Variants in STK25 observed in about 807,000 individuals in gnomAD.
STK25 encodes serine/threonine kinase 25, also known as serine/threonine-protein kinase 25.
In STK25, 29 loss-of-function variants were observed where a neutral mutation model predicts 53.8. The observed-to-expected ratio is 0.54, with a 90% confidence interval of 0.40 to 0.74. STK25 has a LOEUF of 0.74. Ranked by LOEUF, STK25 falls within the 30% of genes least tolerant of loss-of-function variation. The pLI is 0.00. For missense variants in STK25, 420 were observed against 568.0 expected (o/e 0.74, Z 2.65); for synonymous variants, 247 against 238.3 (o/e 1.04, Z -0.33).
Position 241,493,718 on chromosome 2 carries a change from C to T in STK25, c.*1944G>A, listed in dbSNP as rs1041702819. The T allele has an allele frequency of 1.9e-6, 1 of 519,590 alleles. No individual in the cohort carries two copies. The highest frequency in any genetic ancestry group is 3.4e-6 in the Non-Finnish European group (1 of 291,600). 32.2% of individuals were successfully genotyped at this position (519,590 alleles called of 1,614,324 possible). ...CAAGCGATTCTTCTGCCTCAGCCTC[C>T]TGAGTAACTGAGATTACAGGCATGC... On this transcript the variant is annotated 3_prime_UTR_variant, in exon 12 of 12. Transcript: ENST00000316586.
intron 3 of STK25, 26 bp from the exon 4 acceptor site, chr2:241,500,822 C>T (rs1341445149): frequency 3.7e-6 from 6 of 1,611,984 alleles, no homozygotes; most frequent in South Asian, 3.3e-5. Flanking sequence ...AACCCATCAG[C>T]ATTTGGCAGC....
In STK25 at chr2:241,493,658, A is replaced by AATCT; in HGVS notation, c.*2000_*2003dup. ...CACTCAGGCTGGAGTGCAGTGATAC[A>AATCT]ATCTTGGCTCACTATAACCTGCACC... On this transcript the variant is annotated 3_prime_UTR_variant, in exon 12 of 12. Transcript: ENST00000316586. 3.5e-6 allele frequency: 2 copies of AATCT among 579,050 alleles called. No individual in the cohort carries two copies. Among genetic ancestry groups the AATCT allele is most frequent in the Non-Finnish European group, 6.1e-6 (2 of 326,010 alleles). The allele number at this position is 579,050 out of a possible 1,614,324, so 35.9% of individuals were successfully genotyped here.
intron 2 of STK25, among the ~76,000 whole-genome samples, chr2:241,502,194 A>AC (rs1354886423): frequency 6.6e-6 from 1 of 151,922 alleles, no homozygotes; most frequent in Non-Finnish European, 1.5e-5. Flanking sequence ...AATAACAACA[A>AC]CAAAAAAACC....
chr2:241,492,825 CAGCTGGAGAA>C lies in STK25; in HGVS notation c.*2827_*2836del. 1.4e-6 allele frequency: 1 copy of C among 692,364 alleles called. No individual in the cohort carries two copies. Among genetic ancestry groups the C allele is most frequent in the Non-Finnish European group, 2.6e-6 (1 of 383,942 alleles). The allele number at this position is 692,364 out of a possible 1,614,324, so 42.9% of individuals were successfully genotyped here. On this transcript the variant is annotated 3_prime_UTR_variant, in exon 12 of 12. Coordinates refer to ENST00000316586, the MANE Select transcript of STK25 (RefSeq NM_001271977.2). ...CAGTCCAGAGGTAAAACCAAGGCCT[CAGCTGGAGAA>C]AGCATGCAGAGGCTTAGTCTTGGGG...
chr2:241,503,438 C>T (rs2065625624), intron 2 of STK25, among the ~76,000 whole-genome samples: 1 of 149,510 alleles, frequency 6.7e-6, no homozygotes, highest in African/African-American at 2.4e-5. Context: ...ACAGCCTGGG[C>T]GCGGTGGTTC....
intron 10 of STK25, 80 bp downstream of exon 10, chr2:241,497,536 T>G: frequency 7.0e-7 from 1 of 1,428,570 alleles, no homozygotes; most frequent in South Asian, 1.2e-5. Context: ...CACAGTGCTG[T>G]GAGGGAGACA....
intron 1 of STK25, 138 bp downstream of exon 1, chr2:241,508,305 T>C (rs1228666040): frequency 2.6e-5 from 32 of 1,239,110 alleles, no homozygotes; most frequent in South Asian, 5.3e-5. Flanking sequence ...GCCCCTCCCG[T>C]CGCCGCCCCC....
At chr2:241,507,545 A>G (rs1395689532) in intron 2 of STK25, among the ~76,000 whole-genome samples, 3 of 152,124 alleles carry the variant, frequency 2.0e-5, no homozygotes, top group Non-Finnish European at 4.4e-5. Context: ...GCTTCTCCAC[A>G]ATCTCAGCCC....
At chr2:241,509,117 C>G (rs532951275), upstream of STK25, 1 of 152,500 alleles carries the variant, frequency 6.6e-6, no homozygotes, top group African/African-American at 2.4e-5. Flanking sequence ...GAGACCCCGC[C>G]CGGGATCACG....
intron 2 of STK25, among the ~76,000 whole-genome samples, chr2:241,504,835 T>C (rs2065726329): frequency 1.3e-5 from 2 of 152,026 alleles, no homozygotes; most frequent in Non-Finnish European, 2.9e-5. Flanking sequence ...CCCTGTTTGC[T>C]CCATTTCTGG....
rs199688267 is a variant in STK25, at chr2:241,498,777, G to A, written c.779C>T (p.Thr260Met). The change falls in exon 8 of 12, where the codon ACG becomes ATG. Residue 260 changes from threonine to methionine, a missense_variant. Physicochemically the swap from Thr to Met is moderately conservative, Grantham distance 81. Transcript: ENST00000316586. The part of the protein sequence containing the change: ...CLNKDPRFRP[T>M]AKELLKHKFI... ...CTTGTGCTTCAGGAGCTCCTTGGCC[G>A]TGGGCCGCTGCAGGGGGTCAGGGGA... 33 of 1,613,948 alleles carry A rather than the reference G, an allele frequency of 2.0e-5. No individual in the cohort carries two copies. Among genetic ancestry groups the A allele is most frequent in the East Asian group, 1.6e-4 (7 of 44,874 alleles).
At chr2:241,508,914 A>G (rs2066018509), upstream of STK25, among the ~76,000 whole-genome samples, 1 of 151,486 alleles carries the variant, frequency 6.6e-6, no homozygotes, top group African/African-American at 2.4e-5. Flanking sequence ...GTCGTCTCCG[A>G]CGTTACGGCG....
rs2124979014 is a variant in STK25, at chr2:241,501,443, CA to C, written c.261+34del. The C allele has an allele frequency of 2.5e-6, 4 of 1,592,422 alleles. No homozygotes were observed. In the East Asian group the frequency reaches 9.0e-5, roughly 36 times the overall value. On this transcript the variant is annotated intron_variant, in intron 3 of 11. Coordinates refer to ENST00000316586, the MANE Select transcript of STK25 (RefSeq NM_001271977.2). The surrounding 1 kb of genome is among the most constrained non-coding windows in gnomAD (Gnocchi z 5.3). ...TGACATGGAAGAGAGCCGGGCACAG[CA>C]CCAGCAGGGTCCCCGCCTCCCCACA...
In STK25 at chr2:241,492,995, G is replaced by A. The variant is rs770459028; in HGVS notation, c.*2667C>T. On this transcript the variant is annotated 3_prime_UTR_variant, in exon 12 of 12. Transcript: ENST00000316586. ...TCATGGCTGGCAGAAGCTCTGGGTC[G>A]TCTTTACCAACTTCTGTTTGTTCTT... 75 of 1,611,438 alleles carry A rather than the reference G, an allele frequency of 4.7e-5. No homozygotes were observed. The highest frequency in any genetic ancestry group is 1.6e-4 in the Middle Eastern group (1 of 6,084).
Position 241,501,818 on chromosome 2 carries a change from C to A in STK25, c.31-110G>T. The A allele has an allele frequency of 1.4e-6, 1 of 722,752 alleles. No homozygotes were observed. 44.8% of individuals were successfully genotyped at this position (722,752 alleles called of 1,614,324 possible). ...AAGGGACCTGTAGGGAAGGGGGAGT[C>A]CAAGGGAGCGCACCTCAATTCTTCT... On this transcript the variant is annotated intron_variant, in intron 2 of 11. Transcript: ENST00000316586. This position sits in a 1 kb window ranked among gnomAD's most constrained non-coding sequence, Gnocchi z 5.3.
At chr2:241,504,986 G>A (rs539809459) in intron 2 of STK25, among the ~76,000 whole-genome samples, 15 of 150,732 alleles carry the variant, frequency 1.0e-4, no homozygotes, top group African/African-American at 3.4e-4. Context: ...GCGTGATCTC[G>A]GCTCACTGCA....
In STK25 at chr2:241,500,296, G is replaced by T. The variant is rs768074562; in HGVS notation, c.319-15C>A. On this transcript the variant is annotated splice_polypyrimidine_tract_variant and intron_variant, in intron 4 of 11. Coordinates refer to ENST00000316586, the MANE Select transcript of STK25 (RefSeq NM_001271977.2). The stretch of plus-strand genomic sequence containing the variant: ...CCTGGTTTAAGCTGGAGAGGAAGGT[G>T]CGACAGCAGGGCCTCAGCTCCTGTC... 1 of 1,588,902 alleles carries T rather than the reference G, an allele frequency of 6.3e-7. No homozygotes were observed. The highest frequency in any genetic ancestry group is 8.6e-7 in the Non-Finnish European group (1 of 1,157,512).
rs1391745097 is a variant in STK25, at chr2:241,496,039, CAG to C, written c.1242-340_1242-339del. Reference sequence around the variant, plus strand: ...TCTTTGCTAAGGACTCGAGTCAGCACAGGGGCAGCTCTGACGTTTTGCCACCA... The same window carrying C: ...TCTTTGCTAAGGACTCGAGTCAGCACGGGCAGCTCTGACGTTTTGCCACCA... On this transcript the variant is annotated intron_variant, in intron 11 of 11. Transcript: ENST00000316586. This position sits in a 1 kb window ranked among gnomAD's most constrained non-coding sequence, Gnocchi z 5.8. 1.3e-5 allele frequency among the ~76,000 whole-genome samples: 2 copies of C among 152,228 alleles called. No individual in the cohort carries two copies. Among genetic ancestry groups the C allele is most frequent in the Non-Finnish European group, 1.5e-5 (1 of 68,036 alleles).
chr2:241,499,163 C>T lies in STK25; in HGVS notation c.597G>A (p.Trp199Ter). 6.2e-7 allele frequency: 1 copy of T among 1,613,826 alleles called. No homozygotes were observed. ...QSAYDFKADI[W>*]SLGITAIELA... ...GCTCGATGGCTGTGATCCCCAGGGA[C>T]CAGATGTCAGCCTGGACAGAACACA... The change falls in exon 7 of 12, where the codon TGG (tryptophan) becomes TGA (stop). Residue 199 changes from tryptophan (W) to a stop codon, truncating the protein, a stop_gained. Coordinates refer to ENST00000316586, the MANE Select transcript of STK25 (RefSeq NM_001271977.2). LOFTEE classifies it high-confidence loss of function.
Sources: gnomAD v4.1 joint callset for allele counts (sites outside exome capture counted in the v4.1 genomes callset) on GRCh38, gnomAD v4.1.1 for gene constraint, Gnocchi (gnomAD v3.1) non-coding constraint, MANE v1.5 for transcripts, NCBI Gene and HGNC (gene_info 2026-07-23, HGNC 2026-07-21) for gene names.